SLC26A5: variants seen among roughly 807,000 people sequenced by gnomAD.
SLC26A5 encodes solute carrier family 26 member 5.
In SLC26A5, 51 loss-of-function variants were observed where a neutral mutation model predicts 81.0. The observed-to-expected ratio is 0.63, with a 90% CI of 0.50 to 0.80. The LOEUF (loss-of-function observed/expected upper bound fraction) is 0.80, where lower values mean the gene tolerates loss of function less well. Ranked by LOEUF, SLC26A5 falls within the 30% of genes least tolerant of loss-of-function variation. SLC26A5 has a pLI of 0.00. For missense variants in SLC26A5, 771 were observed against 905.8 expected (o/e 0.85, Z 1.91); for synonymous variants, 325 against 332.8 (o/e 0.98, Z 0.25).
At chr7:103,412,101 T>C (rs1824531399) in intron 5 of SLC26A5, among the ~76,000 whole-genome samples, 1 of 152,100 alleles carries the variant, frequency 6.6e-6, no homozygotes, top group Admixed American at 6.6e-5. Context: ...GAGGAAGAAT[T>C]ACCCAGACCA....
intron 11 of SLC26A5, among the ~76,000 whole-genome samples, chr7:103,391,317 G>A (rs1330677726): frequency 2.0e-5 from 3 of 152,210 alleles, no homozygotes; most frequent in Admixed American, 2.0e-4. Flanking sequence ...GGATGGTGAT[G>A]GCATACTGCC....
At chr7:103,389,261 C>T in intron 13 of SLC26A5, 68 bp downstream of exon 13, 2 of 1,324,770 alleles carry the variant, frequency 1.5e-6, no homozygotes, top group South Asian at 1.2e-5. Flanking sequence ...ATCTTTCTCA[C>T]ATTTTTCTTA....
At position 103,401,235 on chromosome 7, in the gene SLC26A5, T is replaced by C. The variant is rs550665821; in HGVS notation, c.889-3221A>G. Among the ~76,000 whole-genome samples, 278 of 152,302 alleles carry C rather than the reference T, an allele frequency of 1.8e-3. 1 individual carries two copies. The highest frequency in any genetic ancestry group is 6.2e-3 in the African/African-American group (259 of 41,568). On this transcript the variant is annotated intron_variant, in intron 8 of 19. Transcript: ENST00000306312. Reference sequence around the variant, plus strand: ...TGTTTTTCCATTTGTTTGTGTCCTCTCTGATTTCCTTGAGCAGTGGTTTGT... The same window carrying C: ...TGTTTTTCCATTTGTTTGTGTCCTCCCTGATTTCCTTGAGCAGTGGTTTGT...
intron 4 of SLC26A5, among the ~76,000 whole-genome samples, chr7:103,417,530 CT>C (rs144366066): frequency 0.075 from 11,464 of 151,908 alleles, 527 homozygotes; most frequent in South Asian, 0.13. Flanking sequence ...TAGCTCCCTT[CT>C]TTTTTCATTC....
At chr7:103,354,739 C>T (rs1819935721) in intron 19 of SLC26A5, 4 of 600,874 alleles carry the variant, frequency 6.7e-6, no homozygotes, top group South Asian at 4.2e-5. Context: ...GTCAGGAATA[C>T]CTCTCTACTT....
At chr7:103,414,065 A>G (rs973600660) in intron 4 of SLC26A5, among the ~76,000 whole-genome samples, 1 of 152,130 alleles carries the variant, frequency 6.6e-6, no homozygotes, top group Non-Finnish European at 1.5e-5. Context: ...ACAGGTAGCC[A>G]TCATGATAGT....
intron 16 of SLC26A5, among the ~76,000 whole-genome samples, chr7:103,378,914 T>A (rs932064964): frequency 6.6e-6 from 1 of 152,102 alleles, no homozygotes. Context: ...ACCAAAGGAA[T>A]CTACATGATC....
intron 12 of SLC26A5, among the ~76,000 whole-genome samples, chr7:103,389,812 G>C (rs936601336): frequency 2.6e-5 from 4 of 152,056 alleles, no homozygotes; most frequent in African/African-American, 9.7e-5. Flanking sequence ...ATTTCTAGTA[G>C]AGACGGGATT....
Position 103,377,716 on chromosome 7 carries a change from G to T in SLC26A5, c.1869C>A (p.Ser623Arg), listed in dbSNP as rs767624902. 1 of 1,614,002 alleles carries T rather than the reference G, an allele frequency of 6.2e-7. No individual in the cohort carries two copies. Among genetic ancestry groups the T allele is most frequent in the Non-Finnish European group, 8.5e-7 (1 of 1,179,918 alleles). Residue 623 changes from serine (S) to arginine (R), a missense_variant, in exon 18 of 20, where the codon AGC becomes AGA. Coordinates refer to ENST00000306312, the MANE Select transcript of SLC26A5 (RefSeq NM_198999.3). ...EVKYPPIVIK[S>R]TFPEEMQRFM... is the part of the protein sequence containing the mutation. ...ATCTTTGCATTTCCTCAGGAAATGT[G>T]CTTTTGATCACTATTGGGGGATATT... is the stretch of plus-strand genomic sequence containing the variant.
chr7:103,359,015 A>C (rs1423578805), intron 19 of SLC26A5, among the ~76,000 whole-genome samples: 1 of 149,972 alleles, frequency 6.7e-6, no homozygotes, highest in African/African-American at 2.5e-5. Context: ...ACAAGGTCTC[A>C]CTTTGTTACC....
At position 103,412,850 on chromosome 7, in the gene SLC26A5, C is replaced by T. The variant is rs552440257; in HGVS notation, c.403+152G>A. On this transcript the variant is annotated intron_variant, in intron 5 of 19. Coordinates refer to ENST00000306312, the MANE Select transcript of SLC26A5 (RefSeq NM_198999.3). ...ACAGGGATGAGCCACCGCACCTGGCCGAGTGTAGGTTTTTAAAGCACCTAT... is the reference window on the plus strand; with the variant it reads ...ACAGGGATGAGCCACCGCACCTGGCTGAGTGTAGGTTTTTAAAGCACCTAT... The T allele has an allele frequency of 2.0e-4, 132 of 646,410 alleles. No individual in the cohort carries two copies. In the Middle Eastern group the frequency reaches 2.1e-3, roughly 10 times the overall value. 40.0% of individuals were successfully genotyped at this position (646,410 alleles called of 1,614,324 possible).
At chr7:103,410,315 G>C (rs1176046070) in intron 7 of SLC26A5, 70 bp downstream of exon 7, 4 of 1,313,234 alleles carry the variant, frequency 3.0e-6, no homozygotes, top group Non-Finnish European at 4.4e-6. Flanking sequence ...AAAGTAAAAA[G>C]AGATACAGAA....
At chr7:103,426,017 GA>G (rs991892361) in intron 2 of SLC26A5, among the ~76,000 whole-genome samples, 8 of 151,912 alleles carry the variant, frequency 5.3e-5, no homozygotes, top group Admixed American at 3.3e-4. Flanking sequence ...CAAACAAAAA[GA>G]AAAAAACTAA....
In SLC26A5 at chr7:103,378,485, GACTTCCTT is replaced by G; in HGVS notation, c.1738_1745del (p.Lys580ArgfsTer26). The G allele has an allele frequency of 6.2e-7, 1 of 1,614,076 alleles. No individual in the cohort carries two copies. Among genetic ancestry groups the G allele is most frequent in the Non-Finnish European group, 8.5e-7 (1 of 1,179,992 alleles). ...TTGCGTTGGCCATATTTGCATTTCC[GACTTCCTT>G]AGCGTACTTCCGCATGGCCTTTCTC... On this transcript the variant is annotated frameshift_variant, in exon 17 of 20. Transcript: ENST00000306312. LOFTEE classifies it high-confidence loss of function.
At chr7:103,425,676 G>T (rs1468549973) in intron 2 of SLC26A5, among the ~76,000 whole-genome samples, 1 of 151,982 alleles carries the variant, frequency 6.6e-6, no homozygotes, top group East Asian at 1.9e-4. Flanking sequence ...GCCATAAGAT[G>T]CTTACTGAAA....
chr7:103,401,049 T>G (rs1386609366), intron 8 of SLC26A5, among the ~76,000 whole-genome samples: 1 of 152,190 alleles, frequency 6.6e-6, no homozygotes, highest in Non-Finnish European at 1.5e-5. Flanking sequence ...TGCGGGCCCT[T>G]TTTTGGTCCC....
intron 19 of SLC26A5, among the ~76,000 whole-genome samples, chr7:103,364,854 A>C (rs1006046224): frequency 2.0e-5 from 3 of 151,822 alleles, no homozygotes; most frequent in African/African-American, 7.3e-5. Context: ...TTCTACGGAA[A>C]TGCCTGGTAA....
downstream of SLC26A5, among the ~76,000 whole-genome samples, chr7:103,372,273 T>TAGG (rs1207819225): frequency 2.0e-5 from 3 of 152,218 alleles, no homozygotes; most frequent in African/African-American, 7.2e-5. Context: ...AGAAATCTGA[T>TAGG]AGGAGTTAAC....
intron 8 of SLC26A5, among the ~76,000 whole-genome samples, chr7:103,403,702 T>G (rs1403960772): frequency 6.6e-6 from 1 of 151,926 alleles, no homozygotes; most frequent in African/African-American, 2.4e-5. Context: ...CTGCTTTTTT[T>G]TTTTTTTTTG....
Sources: allele counts gnomAD v4.1 joint callset (sites outside exome capture counted in the v4.1 genomes callset), GRCh38; gene constraint gnomAD v4.1.1; transcripts MANE v1.5; gene names NCBI Gene and HGNC (gene_info 2026-07-23, HGNC 2026-07-21).